Variants in ZNF124 observed in about 807,000 individuals in gnomAD.
ZNF124 encodes the protein zinc finger protein 124.
In ZNF124, 25 loss-of-function variants were observed where a neutral mutation model predicts 26.6. The observed-to-expected ratio is 0.94, with a 90% CI of 0.68 to 1.31. The LOEUF (loss-of-function observed/expected upper bound fraction) is 1.31, where lower values mean the gene tolerates loss of function less well. Ranked by LOEUF, ZNF124 falls within the 40% of genes most tolerant of loss-of-function variation. The pLI is 0.00. For synonymous variants in ZNF124, 129 were observed against 133.3 expected, an observed-to-expected ratio of 0.97 and a Z score of 0.22; for missense variants, 444 against 422.2, an observed-to-expected ratio of 1.05 and a Z score of -0.45.
At chr1:247,158,444 T>C (rs1673278388) in intron 3 of ZNF124, among the ~76,000 whole-genome samples, 1 of 152,144 alleles carries the variant, frequency 6.6e-6, no homozygotes, top group South Asian at 2.1e-4. Flanking sequence ...ATTAGCCAAA[T>C]AAAACTCTTC....
downstream of ZNF124, among the ~76,000 whole-genome samples, chr1:247,153,829 C>T (rs1673014481): frequency 6.6e-6 from 1 of 152,146 alleles, no homozygotes; most frequent in Admixed American, 6.5e-5. Flanking sequence ...GGTGAGCAGC[C>T]ATGCTAACGA....
intron 1 of ZNF124, among the ~76,000 whole-genome samples, chr1:247,165,554 T>G (rs1015366616): frequency 1.3e-5 from 2 of 152,114 alleles, no homozygotes; most frequent in African/African-American, 4.8e-5. Flanking sequence ...AAGAAAAAGT[T>G]GACAAATGGG....
At chr1:247,167,058 A>G (rs1673820909) in intron 1 of ZNF124, among the ~76,000 whole-genome samples, 1 of 152,242 alleles carries the variant, frequency 6.6e-6, no homozygotes, top group East Asian at 1.9e-4. Context: ...CAACGGATGC[A>G]GGAAAAGTAT....
In ZNF124 at chr1:247,125,430, C is replaced by CTTTTTTTTTTTTTTTTTTTTTTT. The variant is rs71566695; in HGVS notation, c.219-1582_219-1560dup. Among the ~76,000 whole-genome samples the CTTTTTTTTTTTTTTTTTTTTTTT allele has an allele frequency of 8.8e-4, 38 of 43,296 alleles. 9 individuals carry two copies. The highest frequency in any genetic ancestry group is 1.2e-3 in the Non-Finnish European group (28 of 23,388). 28.4% of individuals were successfully genotyped at this position (43,296 alleles called of 152,430 possible). On this transcript the variant is annotated intron_variant, in intron 3 of 3. Transcript: ENST00000472531. ...TATCTTCACCGACACCTGTTTTTGT[C>CTTTTTTTTTTTTTTTTTTTTTTT]TTTTTTTTTTTTTTTTTTTTTTTTT... is the stretch of plus-strand genomic sequence containing the variant.
Position 247,155,860 on chromosome 1 carries a change from CAA to C in ZNF124, c.*704_*705del, listed in dbSNP as rs35031827. On this transcript the variant is annotated 3_prime_UTR_variant, in exon 4 of 4. Coordinates refer to ENST00000543802, the MANE Select transcript of ZNF124 (RefSeq NM_001297568.2). The stretch of plus-strand genomic sequence containing the variant: ...TGGGCGACAAAGTGAGACTCCATCT[CAA>C]AAAAAAAAAAAAAAGTCTCACCTCA... 9.8e-3 allele frequency: 6,380 copies of C among 652,774 alleles called. No homozygotes were observed. Among genetic ancestry groups the C allele is most frequent in the South Asian group, 0.015 (215 of 14,352 alleles). The allele number at this position is 652,774 out of a possible 1,614,324, so 40.4% of individuals were successfully genotyped here. A position where few individuals can be genotyped will look rare whatever the true frequency, so the allele number is the denominator to read the frequency against.
chr1:247,146,166 C>T (rs1672773884), intron 3 of ZNF124, among the ~76,000 whole-genome samples: 1 of 152,166 alleles, frequency 6.6e-6, no homozygotes, highest in Non-Finnish European at 1.5e-5. Context: ...TCAGTGAACA[C>T]CATGTATTGG....
intron 3 of ZNF124, among the ~76,000 whole-genome samples, chr1:247,144,810 C>G (rs1307444851): frequency 6.7e-6 from 1 of 150,190 alleles, no homozygotes; most frequent in Non-Finnish European, 1.5e-5. Context: ...GAGTCTCGCT[C>G]TGTCTCCCAG....
At chr1:247,139,250 G>T (rs146271093) in intron 3 of ZNF124, among the ~76,000 whole-genome samples, 1 of 152,246 alleles carries the variant, frequency 6.6e-6, no homozygotes, top group African/African-American at 2.4e-5. Flanking sequence ...AAATTTTCAC[G>T]GTTCACACCA....
chr1:247,169,350 G>A (rs1673963573), intron 1 of ZNF124, among the ~76,000 whole-genome samples: 1 of 152,196 alleles, frequency 6.6e-6, no homozygotes. Flanking sequence ...CCCACTGTGT[G>A]CCTAAGGTGC....
intron 1 of ZNF124, among the ~76,000 whole-genome samples, chr1:247,160,317 A>G (rs1234167934): frequency 2.6e-5 from 4 of 152,198 alleles, no homozygotes; most frequent in Non-Finnish European, 4.4e-5. Context: ...ACTGTTCAGC[A>G]AGGCAGCAGC....
intron 3 of ZNF124, among the ~76,000 whole-genome samples, chr1:247,137,238 C>T (rs920951772): frequency 5.9e-5 from 9 of 151,590 alleles, no homozygotes; most frequent in Non-Finnish European, 1.3e-4. Flanking sequence ...GCTAGGAAAA[C>T]TAGCCAGCCA....
Position 247,157,186 on chromosome 1 carries a change from C to T in ZNF124, c.436G>A (p.Gly146Arg). 2 of 1,614,044 alleles carry T rather than the reference C, an allele frequency of 1.2e-6. No homozygotes were observed. Among genetic ancestry groups the T allele is most frequent in the Non-Finnish European group, 1.7e-6 (2 of 1,179,894 alleles). ...SFQIHQRNHTGEKPYECMECG... is the reference protein window; with the variant it reads ...SFQIHQRNHTREKPYECMECG... ...TCCATACATTCATAGGGTTTCTCTC[C>T]AGTGTGATTTCTCTGATGTATCTGA... The change falls in exon 4 of 4, where the codon GGA becomes AGA. Residue 146 changes from glycine (G) to arginine (R), a missense_variant. Gly to Arg is a moderately radical substitution (Grantham distance 125). Transcript: ENST00000543802.
At chr1:247,153,867 C>G (rs777199469), downstream of ZNF124, among the ~76,000 whole-genome samples, 5 of 152,132 alleles carry the variant, frequency 3.3e-5, no homozygotes, top group Non-Finnish European at 5.9e-5. Flanking sequence ...GAGTTTAGTA[C>G]TGGGAGGGGT....
Position 247,156,814 on chromosome 1 carries a change from C to T in ZNF124, c.808G>A (p.Ala270Thr). Residue 270 changes from alanine to threonine, a missense_variant, in exon 4 of 4, where the codon GCC becomes ACC. Transcript: ENST00000543802. ...EPYPCKQCGK[A>T]FRYASSLQKH... The stretch of plus-strand genomic sequence containing the variant: ...TGAAGGGAACTGGCGTATCTGAAGG[C>T]TTTCCCACATTGCTTACATGGATAG... 6.2e-7 allele frequency: 1 copy of T among 1,614,128 alleles called. No homozygotes were observed. Among genetic ancestry groups the T allele is most frequent in the South Asian group, 1.1e-5 (1 of 91,084 alleles).
intron 3 of ZNF124, chr1:247,138,614 C>T: frequency 2.5e-6 from 1 of 396,126 alleles, no homozygotes; most frequent in Admixed American, 4.4e-5. Context: ...CATAAAAATT[C>T]TGGACTAATT....
In ZNF124 at chr1:247,156,949, C is replaced by G; in HGVS notation, c.673G>C (p.Glu225Gln). ...FRYSNCLHYH[E>Q]RTHTGEKPYV... ...GGTTTCTCTCCAGTGTGAGTTCTTT[C>G]ATGGTAATGAAGGCAATTGGAGTAA... Residue 225 changes from glutamate to glutamine, a missense_variant, in exon 4 of 4, where the codon GAA (glutamate) becomes CAA (glutamine). Transcript: ENST00000543802. 1.2e-6 allele frequency: 2 copies of G among 1,612,352 alleles called. No individual in the cohort carries two copies. Among genetic ancestry groups the G allele is most frequent in the South Asian group, 1.1e-5 (1 of 90,986 alleles).
intron 3 of ZNF124, among the ~76,000 whole-genome samples, chr1:247,128,575 C>T (rs1335154334): frequency 6.6e-6 from 1 of 150,420 alleles, no homozygotes; most frequent in Non-Finnish European, 1.5e-5. Flanking sequence ...TCCTGGGATA[C>T]TCTTCTATAC....
At chr1:247,125,095 G>A (rs548063194) in intron 3 of ZNF124, among the ~76,000 whole-genome samples, 55 of 152,242 alleles carry the variant, frequency 3.6e-4, no homozygotes, top group African/African-American at 1.2e-3. Flanking sequence ...GAGCCACAGC[G>A]CCCGGCCTTC....
intron 3 of ZNF124, among the ~76,000 whole-genome samples, chr1:247,126,115 T>A (rs1229402919): frequency 6.6e-6 from 1 of 152,078 alleles, no homozygotes; most frequent in Non-Finnish European, 1.5e-5. Flanking sequence ...ACAAAAATTA[T>A]TATTATATTG....
Sources: gnomAD v4.1 joint callset for allele counts (sites outside exome capture counted in the v4.1 genomes callset) on GRCh38, gnomAD v4.1.1 for gene constraint, MANE v1.5 for transcripts, NCBI Gene and HGNC (gene_info 2026-07-23, HGNC 2026-07-21) for gene names.